ERI2: variants seen among roughly 807,000 people sequenced by gnomAD.
ERI2 encodes ERI1 exoribonuclease family member 2.
ERI2 carries 35 observed loss-of-function variants against 46.8 expected under a neutral mutation model. The observed-to-expected ratio is 0.75, with a 90% CI of 0.57 to 0.99. The LOEUF is 0.99. Ranked by LOEUF, ERI2 falls within the 50% of genes least tolerant of loss-of-function variation. ERI2 has a pLI of 0.00. For synonymous variants in ERI2, 224 were observed against 271.0 expected, an observed-to-expected ratio of 0.83 and a Z score of 1.70; for missense variants, 695 against 796.2, an observed-to-expected ratio of 0.87 and a Z score of 1.53.
chr16:20,792,554 G>A (rs748506259), downstream of ERI2: 34 of 985,300 alleles, frequency 3.5e-5, no homozygotes, highest in Admixed American at 1.2e-4. Flanking sequence ...CTGAAAATAC[G>A]TACTAGAAAG....
intron 10 of ERI2, among the ~76,000 whole-genome samples, chr16:20,782,523 T>C (rs2080375483): frequency 6.6e-6 from 1 of 152,222 alleles, no homozygotes; most frequent in Non-Finnish European, 1.5e-5. Flanking sequence ...GGTCTCCAGA[T>C]GTAAGGGATC....
chr16:20,781,619 A>G (rs990161343), intron 10 of ERI2: 2 of 960,780 alleles, frequency 2.1e-6, no homozygotes, highest in Non-Finnish European at 3.4e-6. Context: ...AACATAAACA[A>G]TGTTTAAATT....
intron 9 of ERI2, chr16:20,789,666 T>A (rs1023868328): frequency 2.1e-5 from 14 of 671,884 alleles, no homozygotes; most frequent in Non-Finnish European, 2.9e-5. Context: ...CTGTATATTA[T>A]AAAGCAACTC....
chr16:20,786,251 A>G (rs2152477351), intron 10 of ERI2: 1 of 1,495,634 alleles, frequency 6.7e-7, no homozygotes, highest in Non-Finnish European at 8.9e-7. Flanking sequence ...CTTTGTTATG[A>G]TGGTGATTCC....
chr16:20,783,812 A>AT (rs35116517), intron 10 of ERI2, among the ~76,000 whole-genome samples: 134,334 of 147,340 alleles, frequency 0.91, 61,715 homozygotes, highest in East Asian at 0.99. Context: ...CCCCGTCTCA[A>AT]TTTTTTTTTT....
intron 10 of ERI2, among the ~76,000 whole-genome samples, chr16:20,788,524 G>A (rs189502716): frequency 1.3e-3 from 203 of 152,284 alleles, no homozygotes; most frequent in Non-Finnish European, 5.4e-4. Context: ...TCCACGGGCC[G>A]TTATTATGGG....
chr16:20,793,774 C>T (rs910863807), downstream of ERI2, among the ~76,000 whole-genome samples: 14 of 152,328 alleles, frequency 9.2e-5, no homozygotes, highest in Admixed American at 2.6e-4. Flanking sequence ...TGAACATCAT[C>T]GGCAAGGTTT....
chr16:20,781,120 C>G (rs151064311), intron 10 of ERI2: 17 of 1,613,920 alleles, frequency 1.1e-5, no homozygotes, highest in Non-Finnish European at 1.4e-5. Flanking sequence ...GAGCCGACTT[C>G]TATCTTGCAA....
chr16:20,785,070 G>A, intron 10 of ERI2: 1 of 1,613,592 alleles, frequency 6.2e-7, no homozygotes, highest in Non-Finnish European at 8.5e-7. Context: ...AACAAGACGG[G>A]CCTGGATATC....
chr16:20,788,635 A>G (rs1405464673), intron 10 of ERI2, among the ~76,000 whole-genome samples: 1 of 152,154 alleles, frequency 6.6e-6, no homozygotes, highest in Non-Finnish European at 1.5e-5. Flanking sequence ...TCAAAGCCCA[A>G]CCTTTATAAT....
chr16:20,788,986 A>G (rs1164353855), intron 10 of ERI2, among the ~76,000 whole-genome samples: 1 of 152,218 alleles, frequency 6.6e-6, no homozygotes, highest in East Asian at 1.9e-4. Context: ...GATAAGTATT[A>G]TACTTATTCT....
At chr16:20,782,934 A>G (rs947705081) in intron 10 of ERI2, among the ~76,000 whole-genome samples, 1 of 152,232 alleles carries the variant, frequency 6.6e-6, no homozygotes, top group Non-Finnish European at 1.5e-5. Context: ...GTGGGGGTGC[A>G]CTACCTTTCC....
At position 20,806,390 on chromosome 16, in the gene ERI2, C is replaced by T. The variant is rs2080873819; in HGVS notation, c.23+18G>A. The T allele has an allele frequency of 2.6e-6, 4 of 1,550,256 alleles. No homozygotes were observed. In the South Asian group the frequency reaches 4.8e-5, roughly 18 times the overall value. On this transcript the variant is annotated intron_variant, in intron 1 of 8. Transcript: ENST00000357967. Reference sequence around the variant, plus strand: ...GACCCGGAGCTACCCGCCCCCGACCCGGAACTCCCTCGAGTACCGCGCGAG... The same window carrying T: ...GACCCGGAGCTACCCGCCCCCGACCTGGAACTCCCTCGAGTACCGCGCGAG...
In ERI2 at chr16:20,797,516, T is replaced by C. The variant is rs2080743779; in HGVS notation, c.*208A>G. 1.7e-6 allele frequency: 2 copies of C among 1,166,058 alleles called. No individual in the cohort carries two copies. The highest frequency in any genetic ancestry group is 1.6e-5 in the African/African-American group (1 of 62,874). 72.2% of individuals were successfully genotyped at this position (1,166,058 alleles called of 1,614,324 possible). A position where few individuals can be genotyped will look rare whatever the true frequency, so the allele number is the denominator to read the frequency against. On this transcript the variant is annotated 3_prime_UTR_variant, in exon 9 of 9. Transcript: ENST00000357967. Reference sequence around the variant, plus strand: ...TTAGACTTGTTTCAAGGTCTAACTATAAAAGAAGGATCATATACTATTGTT... The same window carrying C: ...TTAGACTTGTTTCAAGGTCTAACTACAAAAGAAGGATCATATACTATTGTT...
chr16:20,792,360 T>C (rs1312179792), downstream of ERI2: 1 of 1,612,066 alleles, frequency 6.2e-7, no homozygotes, highest in Admixed American at 1.7e-5. Flanking sequence ...TCATGTCAAC[T>C]TTATAATTTG....
chr16:20,794,339 T>C (rs796600395), downstream of ERI2, among the ~76,000 whole-genome samples: 12 of 152,306 alleles, frequency 7.9e-5, no homozygotes, highest in African/African-American at 2.9e-4. Context: ...ACATATCTCT[T>C]TGAGAATGTG....
downstream of ERI2, among the ~76,000 whole-genome samples, chr16:20,793,658 T>C (rs116595150): frequency 6.7e-3 from 1,013 of 152,266 alleles, 18 homozygotes; most frequent in African/African-American, 0.023. Context: ...AATTGGTAGT[T>C]TGTCAAGTTG....
chr16:20,802,740 A>G, intron 4 of ERI2, 56 bp downstream of exon 4: 8 of 1,554,688 alleles, frequency 5.1e-6, no homozygotes, highest in Non-Finnish European at 4.4e-6. Context: ...AAATGGTATA[A>G]TAACTTTTAT....
chr16:20,794,014 G>A (rs2080664426), downstream of ERI2, among the ~76,000 whole-genome samples: 1 of 152,188 alleles, frequency 6.6e-6, no homozygotes, highest in Admixed American at 6.5e-5. Context: ...GTCAGAGTGA[G>A]GGGGAAAGTG....
Sources: gnomAD v4.1 joint callset for allele counts (sites outside exome capture counted in the v4.1 genomes callset) on GRCh38, gnomAD v4.1.1 for gene constraint, MANE v1.5 for transcripts, NCBI Gene and HGNC (gene_info 2026-07-23, HGNC 2026-07-21) for gene names.